The following TAF12 variants were observed in gnomAD, a reference collection of about 807,000 sequenced individuals.
The protein encoded by TAF12 is TATA-box binding protein associated factor 12.
In TAF12, 3 loss-of-function variants were observed where a neutral mutation model predicts 20.8. The ratio of observed to expected loss-of-function variants is 0.14; its 90% CI spans 0.07 to 0.37. The LOEUF is 0.37. Ranked by LOEUF, TAF12 falls within the 10% of genes least tolerant of loss-of-function variation. The pLI, the probability that TAF12 is intolerant of heterozygous loss-of-function variation, is 1.00. For synonymous variants in TAF12, 69 were observed against 70.2 expected (o/e 0.98, Z 0.09); for missense variants, 131 against 197.9 (o/e 0.66, Z 2.03).
intron 1 of TAF12, among the ~76,000 whole-genome samples, chr1:28,627,838 T>C (rs1172098820): frequency 1.3e-5 from 2 of 152,078 alleles, no homozygotes; most frequent in African/African-American, 4.8e-5. Flanking sequence ...AAACGATTTC[T>C]TCCTATAAAA....
intron 1 of TAF12, among the ~76,000 whole-genome samples, chr1:28,642,177 T>A (rs1308521749): frequency 6.6e-6 from 1 of 152,162 alleles, no homozygotes; most frequent in African/African-American, 2.4e-5. Flanking sequence ...AAAATGAAGA[T>A]GTTTGCATAT....
At chr1:28,645,854 G>A (rs997639042), upstream of TAF12, among the ~76,000 whole-genome samples, 29 of 151,990 alleles carry the variant, frequency 1.9e-4, no homozygotes, top group African/African-American at 6.3e-4. Context: ...GTAGTCCCAA[G>A]CTACTCAGGA....
upstream of TAF12, among the ~76,000 whole-genome samples, chr1:28,644,157 G>A (rs1274665321): frequency 1.3e-5 from 2 of 152,146 alleles, no homozygotes; most frequent in African/African-American, 2.4e-5. Flanking sequence ...GTAAGATGGA[G>A]AAGAACCCAC....
intron 2 of TAF12, among the ~76,000 whole-genome samples, chr1:28,620,495 G>T (rs1382885750): frequency 2.0e-5 from 3 of 151,652 alleles, no homozygotes; most frequent in Non-Finnish European, 4.4e-5. Context: ...GAGTGCAGTG[G>T]CGCAATCTCT....
chr1:28,628,241 G>A (rs1248251254), intron 1 of TAF12, among the ~76,000 whole-genome samples: 1 of 84,112 alleles, frequency 1.2e-5, no homozygotes, highest in Non-Finnish European at 2.6e-5. Context: ...GGGGGGGGGG[G>A]GCGCCTGTAA....
In TAF12 at chr1:28,619,199, AC is replaced by A. The variant is rs567785743; in HGVS notation, c.169-1170del. ...GAGACTGCATCTCTATTTAAAAAAA[AC>A]ATCTACAAAATGGCTGGGTGCAGTG... On this transcript the variant is annotated intron_variant, in intron 2 of 5. Coordinates refer to ENST00000373824, the MANE Select transcript of TAF12 (RefSeq NM_005644.4). Among the ~76,000 whole-genome samples, 573 of 152,206 alleles carry A rather than the reference AC, an allele frequency of 3.8e-3. 3 individuals carry two copies. Among genetic ancestry groups the A allele is most frequent in the South Asian group, 0.015 (72 of 4,820 alleles).
At chr1:28,636,867 G>A (rs1486625492) in intron 1 of TAF12, among the ~76,000 whole-genome samples, 1 of 152,078 alleles carries the variant, frequency 6.6e-6, no homozygotes, top group Non-Finnish European at 1.5e-5. Flanking sequence ...CAGCTACTAT[G>A]GGGTCTGAGG....
chr1:28,631,123 G>A (rs1297718890), intron 1 of TAF12, among the ~76,000 whole-genome samples: 1 of 150,894 alleles, frequency 6.6e-6, no homozygotes, highest in East Asian at 1.9e-4. Context: ...CAAATGACTT[G>A]TATCCAGCAC....
chr1:28,641,056 G>C (rs1305971821), intron 1 of TAF12, among the ~76,000 whole-genome samples: 2 of 151,756 alleles, frequency 1.3e-5, no homozygotes, highest in Admixed American at 6.6e-5. Context: ...CAACAGAACA[G>C]GACCCTGTCT....
chr1:28,621,120 C>A (rs4252985), intron 2 of TAF12, among the ~76,000 whole-genome samples: 76 of 152,260 alleles, frequency 5.0e-4, no homozygotes, highest in African/African-American at 1.8e-3. Flanking sequence ...CTATGTTCTG[C>A]CCTACCTATA....
At chr1:28,611,587 G>A (rs1249987160) in intron 4 of TAF12, among the ~76,000 whole-genome samples, 2 of 152,002 alleles carry the variant, frequency 1.3e-5, no homozygotes, top group Non-Finnish European at 1.5e-5. Flanking sequence ...CGTAAAGACC[G>A]TGGCAAAGCC....
intron 1 of TAF12, among the ~76,000 whole-genome samples, chr1:28,639,473 C>G (rs983466981): frequency 6.9e-6 from 1 of 144,128 alleles, no homozygotes; most frequent in Non-Finnish European, 1.5e-5. Context: ...TTGTTCCTAT[C>G]GGCTCTAATT....
intron 3 of TAF12, among the ~76,000 whole-genome samples, chr1:28,616,385 G>A (rs1280830465): frequency 1.4e-5 from 2 of 140,220 alleles, no homozygotes; most frequent in Non-Finnish European, 3.0e-5. Flanking sequence ...AGCTGAGCAA[G>A]ATTCTGTCTC....
intron 1 of TAF12, among the ~76,000 whole-genome samples, chr1:28,626,798 T>C (rs1164135148): frequency 6.6e-6 from 1 of 151,566 alleles, no homozygotes; most frequent in Non-Finnish European, 1.5e-5. Context: ...TAATCCCAGC[T>C]ACTTGGGAGG....
At chr1:28,642,675 C>G (rs1668077953) in intron 1 of TAF12, 1 of 985,498 alleles carries the variant, frequency 1.0e-6, no homozygotes, top group South Asian at 4.7e-5. Flanking sequence ...CCTGTGTCTT[C>G]ACGCCCCGTT....
intron 4 of TAF12, among the ~76,000 whole-genome samples, chr1:28,605,860 G>A (rs1043987381): frequency 3.9e-5 from 6 of 152,108 alleles, no homozygotes; most frequent in Admixed American, 2.6e-4. Context: ...GAGTGCAATG[G>A]CGCAATCTCG....
intron 1 of TAF12, among the ~76,000 whole-genome samples, chr1:28,629,829 G>A (rs867259225): frequency 3.9e-5 from 6 of 152,010 alleles, no homozygotes; most frequent in Non-Finnish European, 4.4e-5. Context: ...TTTAAAACAC[G>A]GTGTCTTGCT....
At chr1:28,645,605 G>A (rs1668165713), upstream of TAF12, among the ~76,000 whole-genome samples, 1 of 151,662 alleles carries the variant, frequency 6.6e-6, no homozygotes, top group South Asian at 2.1e-4. Context: ...CGGAGATTGA[G>A]CCAGTGCACT....
At chr1:28,613,453 TAGTC>T (rs1666930499) in intron 3 of TAF12, 92 bp from the exon 4 acceptor site, 9 of 1,035,942 alleles carry the variant, frequency 8.7e-6, no homozygotes, top group Non-Finnish European at 1.3e-5. Context: ...ATTGCATATT[TAGTC>T]AGGCATTCTA....
Sources: allele counts gnomAD v4.1 joint callset (sites outside exome capture counted in the v4.1 genomes callset), GRCh38; gene constraint gnomAD v4.1.1; transcripts MANE v1.5; gene names NCBI Gene and HGNC (gene_info 2026-07-23, HGNC 2026-07-21).